DENND2B: variants seen among roughly 807,000 people sequenced by gnomAD.
DENND2B encodes DENN domain-containing protein 2B.
Under a neutral mutation model 116.0 loss-of-function variants are expected in DENND2B, and 32 were observed. The ratio of observed to expected loss-of-function variants is 0.28; its 90% CI spans 0.21 to 0.37. The LOEUF (loss-of-function observed/expected upper bound fraction) is 0.37. DENND2B is among the 10% of genes least tolerant of loss of function. The pLI, the probability that DENND2B is intolerant of heterozygous loss-of-function variation, is 1.00. For synonymous variants in DENND2B, 588 were observed against 583.9 expected (o/e 1.01, Z -0.10); for missense variants, 1,276 against 1,477.7 (o/e 0.86, Z 2.24).
chr11:8,886,658 T>C (rs1461295784), intron 1 of DENND2B, among the ~76,000 whole-genome samples: 1 of 151,524 alleles, frequency 6.6e-6, no homozygotes, highest in African/African-American at 2.4e-5. Context: ...TAGATGATAG[T>C]ACCTGTAGGA....
chr11:8,891,411 G>A (rs1158702444), intron 1 of DENND2B, among the ~76,000 whole-genome samples: 1 of 152,160 alleles, frequency 6.6e-6, no homozygotes, highest in Non-Finnish European at 1.5e-5. Flanking sequence ...AAATGTAAAT[G>A]GGCTAAATGT....
intron 3 of DENND2B, among the ~76,000 whole-genome samples, chr11:8,841,028 T>G (rs2062605465): frequency 6.6e-6 from 1 of 152,208 alleles, no homozygotes; most frequent in African/African-American, 2.4e-5. Context: ...CTCTTAATGT[T>G]GCACTACTAA....
At chr11:8,824,063 C>T (rs751820582) in intron 4 of DENND2B, among the ~76,000 whole-genome samples, 6 of 151,926 alleles carry the variant, frequency 3.9e-5, no homozygotes, top group South Asian at 2.1e-4. Context: ...CCACCACGCC[C>T]GGCTAATTTT....
chr11:8,761,703 T>C (rs977341514), intron 1 of DENND2B, among the ~76,000 whole-genome samples: 1 of 152,212 alleles, frequency 6.6e-6, no homozygotes, highest in African/African-American at 2.4e-5. Flanking sequence ...CTGGTCTAGC[T>C]GAGCTCAACC....
intron 4 of DENND2B, among the ~76,000 whole-genome samples, chr11:8,817,944 G>A (rs1216522044): frequency 1.3e-5 from 2 of 151,602 alleles, no homozygotes; most frequent in Non-Finnish European, 2.9e-5. Context: ...AGATCCCCAT[G>A]AAAGCACCAT....
At chr11:8,835,154 G>A (rs1381996971) in intron 4 of DENND2B, among the ~76,000 whole-genome samples, 1 of 152,184 alleles carries the variant, frequency 6.6e-6, no homozygotes, top group African/African-American at 2.4e-5. Flanking sequence ...TGAAGTGGGA[G>A]AATTGCTTGA....
At position 8,712,706 on chromosome 11, in the gene DENND2B, A is replaced by T. The variant is rs149437355; in HGVS notation, c.2017T>A (p.Ser673Thr). 1.8e-5 allele frequency: 29 copies of T among 1,612,920 alleles called. No individual in the cohort carries two copies. The Middle Eastern group carries it at 1.3e-3, about 74-fold the overall frequency. ...TAGCTGGGGGCGCGCTTCAGCATCGACTGGATGTGGACCAGGCGCTGTGTG... is the reference window on the plus strand; with the variant it reads ...TAGCTGGGGGCGCGCTTCAGCATCGTCTGGATGTGGACCAGGCGCTGTGTG... ...AHTQRLVHIQSMLKRAPSYRT... is the reference protein window; with the variant it reads ...AHTQRLVHIQTMLKRAPSYRT... Residue 673 changes from serine (S) to threonine (T), a missense_variant, in exon 9 of 20, where the codon TCG becomes ACG. Physicochemically the swap from Ser to Thr is moderately conservative, Grantham distance 58 (BLOSUM62 1). Around this residue, in one of 2 missense-constraint regions of DENND2B, gnomAD observed 420 missense variants for 631.1 expected, o/e 0.67. Coordinates refer to ENST00000313726, the MANE Select transcript of DENND2B (RefSeq NM_213618.2). This position sits in a 1 kb window ranked among gnomAD's most constrained non-coding sequence, Gnocchi z 4.4.
chr11:8,817,056 GCTGGA>G (rs2061593412), intron 4 of DENND2B, among the ~76,000 whole-genome samples: 1 of 152,128 alleles, frequency 6.6e-6, no homozygotes, highest in Non-Finnish European at 1.5e-5. Flanking sequence ...CCTAAGGAGG[GCTGGA>G]CAGAGAAGAA....
chr11:8,770,435 T>A (rs1163914671), intron 1 of DENND2B, among the ~76,000 whole-genome samples: 8 of 152,208 alleles, frequency 5.3e-5, no homozygotes. Context: ...AGAGACATTA[T>A]AAGGATAAAT....
intron 1 of DENND2B, among the ~76,000 whole-genome samples, chr11:8,788,189 C>T (rs2059083283): frequency 6.6e-6 from 1 of 152,074 alleles, no homozygotes. Context: ...GAATGCAACA[C>T]AGATCTTCAC....
At chr11:8,843,726 A>G (rs1356927454) in intron 3 of DENND2B, among the ~76,000 whole-genome samples, 1 of 152,144 alleles carries the variant, frequency 6.6e-6, no homozygotes, top group Admixed American at 6.5e-5. Flanking sequence ...CATCCTGCTC[A>G]TGCCACCCCT....
At chr11:8,771,404 G>T (rs1467741342) in intron 1 of DENND2B, among the ~76,000 whole-genome samples, 2 of 152,044 alleles carry the variant, frequency 1.3e-5, no homozygotes, top group Non-Finnish European at 2.9e-5. Flanking sequence ...GTGTGTGTGT[G>T]TGCGTGTGTG....
chr11:8,767,333 G>A (rs561687178), intron 1 of DENND2B, among the ~76,000 whole-genome samples: 23 of 152,266 alleles, frequency 1.5e-4, no homozygotes, highest in Admixed American at 1.2e-3. Context: ...TTGGGAATTC[G>A]GAAAGGCTCT....
At chr11:8,848,489 G>A (rs1430153388) in intron 3 of DENND2B, among the ~76,000 whole-genome samples, 1 of 152,156 alleles carries the variant, frequency 6.6e-6, no homozygotes, top group Non-Finnish European at 1.5e-5. Flanking sequence ...AGACAACATT[G>A]AGACAACTGA....
intron 1 of DENND2B, among the ~76,000 whole-genome samples, chr11:8,765,240 G>A (rs2055485081): frequency 6.6e-6 from 1 of 152,160 alleles, no homozygotes. Flanking sequence ...ACTCCTTTAA[G>A]GGCCATGATG....
chr11:8,888,219 C>A (rs936091436), intron 1 of DENND2B, among the ~76,000 whole-genome samples: 6 of 152,124 alleles, frequency 3.9e-5, no homozygotes, highest in African/African-American at 1.4e-4. Flanking sequence ...CCATGACCAC[C>A]CCCATGGCAG....
intron 1 of DENND2B, among the ~76,000 whole-genome samples, chr11:8,806,621 C>CACACACACACACACACACAT (rs1314241613): frequency 6.6e-6 from 1 of 151,364 alleles, no homozygotes; most frequent in Non-Finnish European, 1.5e-5. Context: ...CACACACACA[C>CACACACACACACACACACAT]ACACACACAC....
chr11:8,695,701 G>C (rs1056400160), intron 18 of DENND2B, 152 bp from the exon 19 acceptor site: 35 of 679,086 alleles, frequency 5.2e-5, no homozygotes, highest in Non-Finnish European at 6.7e-5. Context: ...ACTAGAATTC[G>C]GGCTGGCTCA....
Position 8,712,853 on chromosome 11 carries a change from T to C in DENND2B, c.1988-118A>G. The C allele has an allele frequency of 9.4e-7, 1 of 1,066,082 alleles. No individual in the cohort carries two copies. The allele number at this position is 1,066,082 out of a possible 1,614,324, so 66.0% of individuals were successfully genotyped here. On this transcript the variant is annotated intron_variant, in intron 8 of 19. Coordinates refer to ENST00000313726, the MANE Select transcript of DENND2B (RefSeq NM_213618.2). This position sits in a 1 kb window ranked among gnomAD's most constrained non-coding sequence, Gnocchi z 4.4. The stretch of plus-strand genomic sequence containing the variant: ...TTTTAAGTACGTGAGCCTAGTCTGA[T>C]ACCATCCCCAGCTCACAGTGCAGGA...
Sources: allele counts gnomAD v4.1 joint callset (sites outside exome capture counted in the v4.1 genomes callset), GRCh38; gene constraint gnomAD v4.1.1; regional missense constraint gnomAD v4.1.1; non-coding constraint Gnocchi (gnomAD v3.1); transcripts MANE v1.5; gene names NCBI Gene and HGNC (gene_info 2026-07-23, HGNC 2026-07-21).